RHOJ: variants seen among roughly 807,000 people sequenced by gnomAD.
The protein encoded by RHOJ is rho-related GTP-binding protein RhoJ.
RHOJ carries 11 observed loss-of-function variants against 23.4 expected under a neutral mutation model. That is an observed-to-expected ratio of 0.47 (90% confidence interval 0.30 to 0.78). RHOJ has a LOEUF of 0.78. Ranked by LOEUF, RHOJ falls within the 30% of genes least tolerant of loss-of-function variation. The pLI is 0.08. For missense variants in RHOJ, 254 were observed against 273.4 expected, an observed-to-expected ratio of 0.93 and a Z score of 0.50; for synonymous variants, 102 against 102.7, an observed-to-expected ratio of 0.99 and a Z score of 0.04.
intron 4 of RHOJ, among the ~76,000 whole-genome samples, chr14:63,290,643 A>AC (rs1029154273): frequency 1.3e-5 from 2 of 151,658 alleles, no homozygotes; most frequent in African/African-American, 2.4e-5. Context: ...GTAATCCACA[A>AC]CCATTTATTG....
At chr14:63,277,714 C>A (rs1258782716) in intron 2 of RHOJ, among the ~76,000 whole-genome samples, 2 of 152,116 alleles carry the variant, frequency 1.3e-5, no homozygotes, top group African/African-American at 4.8e-5. Context: ...CCATTTATGA[C>A]AATCCAGATG....
At chr14:63,248,057 CAT>C (rs1166752840) in intron 1 of RHOJ, among the ~76,000 whole-genome samples, 5 of 152,166 alleles carry the variant, frequency 3.3e-5, no homozygotes, top group Non-Finnish European at 5.9e-5. Flanking sequence ...CCTCTCACAA[CAT>C]GTGGGAATTG....
At chr14:63,284,273 A>G in intron 4 of RHOJ, 1 of 984,926 alleles carries the variant, frequency 1.0e-6, no homozygotes, top group Middle Eastern at 5.2e-4. Flanking sequence ...TTTTACAGGT[A>G]TCCTGCATGA....
intron 1 of RHOJ, among the ~76,000 whole-genome samples, chr14:63,246,261 C>A (rs185786748): frequency 1.1e-4 from 16 of 152,284 alleles, no homozygotes; most frequent in Admixed American, 9.2e-4. Flanking sequence ...TAATCTCAGG[C>A]AATTTCTTTT....
At chr14:63,281,522 G>A (rs2139664799) in intron 3 of RHOJ, among the ~76,000 whole-genome samples, 1 of 152,072 alleles carries the variant, frequency 6.6e-6, no homozygotes, top group East Asian at 1.9e-4. Flanking sequence ...AAAATAGGTA[G>A]GAGTGTCAAG....
chr14:63,217,250 A>C (rs1297419947), intron 1 of RHOJ, among the ~76,000 whole-genome samples: 31 of 98,158 alleles, frequency 3.2e-4, no homozygotes, highest in Non-Finnish European at 3.5e-4. Flanking sequence ...CCCCCACCCC[A>C]CAACAGTCCC....
chr14:63,205,554 A>G (rs1221733411), intron 1 of RHOJ, among the ~76,000 whole-genome samples: 1 of 152,230 alleles, frequency 6.6e-6, no homozygotes, highest in Non-Finnish European at 1.5e-5. Flanking sequence ...ATAATACTAT[A>G]GTTTTGTTTT....
chr14:63,231,915 T>C (rs1044172105), intron 1 of RHOJ, among the ~76,000 whole-genome samples: 1 of 152,188 alleles, frequency 6.6e-6, no homozygotes, highest in African/African-American at 2.4e-5. Context: ...ATACAAAATG[T>C]CCACAAACAA....
At chr14:63,261,600 T>TG (rs1895273834) in intron 1 of RHOJ, among the ~76,000 whole-genome samples, 1 of 135,528 alleles carries the variant, frequency 7.4e-6, no homozygotes, top group Non-Finnish European at 1.5e-5. Flanking sequence ...CCCAGCTAAT[T>TG]TTTTTTTTTT....
chr14:63,261,628 A>G (rs1895274631), intron 1 of RHOJ, among the ~76,000 whole-genome samples: 2 of 147,854 alleles, frequency 1.4e-5, no homozygotes, highest in Admixed American at 6.8e-5. Context: ...TTTTGTAGAG[A>G]TGGGGTCTCA....
chr14:63,288,894 C>CA (rs1882165311), intron 4 of RHOJ, among the ~76,000 whole-genome samples: 1 of 152,154 alleles, frequency 6.6e-6, no homozygotes. Flanking sequence ...AATAAGTGGA[C>CA]AATCTCATTT....
chr14:63,227,976 A>T (rs1894625171), intron 1 of RHOJ, among the ~76,000 whole-genome samples: 1 of 152,146 alleles, frequency 6.6e-6, no homozygotes, highest in African/African-American at 2.4e-5. Flanking sequence ...TGCTGCTTTT[A>T]TGCCCCGTTA....
At chr14:63,255,758 G>T (rs1490329572) in intron 1 of RHOJ, among the ~76,000 whole-genome samples, 1 of 152,160 alleles carries the variant, frequency 6.6e-6, no homozygotes, top group African/African-American at 2.4e-5. Flanking sequence ...TTAAGAAGAG[G>T]CTCTGGCCTT....
rs571090534 is a variant in RHOJ, at chr14:63,238,243, T to C, written c.179-30867T>C. On this transcript the variant is annotated intron_variant, in intron 1 of 4. Transcript: ENST00000316754. The stretch of plus-strand genomic sequence containing the variant: ...TGTGTTTTGTTTGCTTGTTTATTTG[T>C]TTGCTTGCTTGCTTGCTTGCTTTCC... 4.6e-5 allele frequency among the ~76,000 whole-genome samples: 7 copies of C among 152,286 alleles called. No individual in the cohort carries two copies. The South Asian group carries it at 1.5e-3, about 32-fold the overall frequency.
intron 1 of RHOJ, among the ~76,000 whole-genome samples, chr14:63,222,293 G>A (rs147441310): frequency 0.11 from 16,100 of 151,928 alleles, 1,011 homozygotes; most frequent in African/African-American, 0.16. Flanking sequence ...ATACGTGTGC[G>A]TGTGTCTTTA....
At chr14:63,232,236 T>C (rs773705038) in intron 1 of RHOJ, among the ~76,000 whole-genome samples, 4 of 152,242 alleles carry the variant, frequency 2.6e-5, no homozygotes, top group Admixed American at 6.5e-5. Flanking sequence ...AATTCAAGCA[T>C]ACTTTTCTTT....
At position 63,221,255 on chromosome 14, in the gene RHOJ, A is replaced by T. The variant is rs542136021; in HGVS notation, c.178+16208A>T. Among the ~76,000 whole-genome samples the T allele has an allele frequency of 2.6e-5, 4 of 152,250 alleles. No homozygotes were observed. The South Asian group carries it at 8.3e-4, about 32-fold the overall frequency. On this transcript the variant is annotated intron_variant, in intron 1 of 4. Coordinates refer to ENST00000316754, the MANE Select transcript of RHOJ (RefSeq NM_020663.5). ...TGAGGTGGGAGGATTGCTTGACCCC[A>T]GGAGATCGAGGCTGCAATGAGCCAT... is the stretch of plus-strand genomic sequence containing the variant.
chr14:63,222,144 G>T (rs1341732950), intron 1 of RHOJ, among the ~76,000 whole-genome samples: 1 of 151,972 alleles, frequency 6.6e-6, no homozygotes, highest in Admixed American at 6.5e-5. Flanking sequence ...TCCCTACAAA[G>T]GACATGAACT....
At chr14:63,213,659 AGGAT>A (rs1894288937) in intron 1 of RHOJ, among the ~76,000 whole-genome samples, 1 of 152,188 alleles carries the variant, frequency 6.6e-6, no homozygotes, top group South Asian at 2.1e-4. Context: ...ACCCAGTAAT[AGGAT>A]TGCTGGGTAG....
Sources: gnomAD v4.1 joint callset for allele counts (sites outside exome capture counted in the v4.1 genomes callset) on GRCh38, gnomAD v4.1.1 for gene constraint, MANE v1.5 for transcripts, NCBI Gene and HGNC (gene_info 2026-07-23, HGNC 2026-07-21) for gene names.